The following THOP1 variants were observed in gnomAD, a reference collection of about 807,000 sequenced individuals.
The protein encoded by THOP1 is thimet oligopeptidase.
A neutral mutation model predicts 71.8 loss-of-function variants in THOP1; 49 were observed. The ratio of observed to expected loss-of-function variants is 0.68; its 90% CI spans 0.54 to 0.87. The LOEUF (loss-of-function observed/expected upper bound fraction) is 0.87. Ranked by LOEUF, THOP1 falls within the 40% of genes least tolerant of loss-of-function variation. The pLI, the probability that THOP1 is intolerant of heterozygous loss-of-function variation, is 0.00. For synonymous variants in THOP1, 426 were observed against 421.5 expected (o/e 1.01, Z -0.13); for missense variants, 843 against 975.6 (o/e 0.86, Z 1.81).
chr19:2,788,055 C>T (rs940875040), intron 1 of THOP1, among the ~76,000 whole-genome samples: 8 of 152,142 alleles, frequency 5.3e-5, no homozygotes, highest in Non-Finnish European at 1.2e-4. Flanking sequence ...TGTCCCCGGC[C>T]CCAAGACTTT....
Position 2,811,620 on chromosome 19 carries a change from C to A in THOP1, c.1794C>A (p.Phe598Leu). 6.2e-7 allele frequency: 1 copy of A among 1,613,170 alleles called. No homozygotes were observed. The highest frequency in any genetic ancestry group is 1.1e-5 in the South Asian group (1 of 91,082). The change falls in exon 12 of 13, where the codon TTC becomes TTA. Residue 598 changes from phenylalanine (F) to leucine (L), a missense_variant. Physicochemically the swap from Phe to Leu is conservative, Grantham distance 22. Coordinates refer to ENST00000307741, the MANE Select transcript of THOP1 (RefSeq NM_003249.5). ...ATPGTNMPAT[F>L]GHLAGGYDAQ... is the part of the protein sequence containing the mutation. ...CAGGAACCAACATGCCTGCAACCTTCGGCCATCTGGCAGGTGGCTACGACG... is the reference window on the plus strand; with the variant it reads ...CAGGAACCAACATGCCTGCAACCTTAGGCCATCTGGCAGGTGGCTACGACG...
At position 2,805,459 on chromosome 19, in the gene THOP1, G is replaced by A. The variant is rs1026171059; in HGVS notation, c.750+283G>A. ...GCTCTGAGCATCTGGCCGCGCACAC[G>A]TCTCGTCCCTCCCTTATCTGGAGCC... On this transcript the variant is annotated intron_variant, in intron 6 of 12. Coordinates refer to ENST00000307741, the MANE Select transcript of THOP1 (RefSeq NM_003249.5). The surrounding 1 kb of genome is among the most constrained non-coding windows in gnomAD (Gnocchi z 6.6). Among the ~76,000 whole-genome samples the A allele has an allele frequency of 1.3e-5, 2 of 152,182 alleles. No homozygotes were observed. Among genetic ancestry groups the A allele is most frequent in the South Asian group, 2.1e-4 (1 of 4,834 alleles).
intron 12 of THOP1, chr19:2,812,042 C>T: frequency 9.2e-7 from 1 of 1,086,542 alleles, no homozygotes; most frequent in Non-Finnish European, 1.3e-6. Context: ...TCCACACTGG[C>T]CCCTCAGGCC....
chr19:2,807,444 G>A lies in THOP1; in HGVS notation c.889G>A (p.Glu297Lys). The A allele has an allele frequency of 4.4e-6, 7 of 1,587,090 alleles. No homozygotes were observed. Among genetic ancestry groups the A allele is most frequent in the Non-Finnish European group, 6.0e-6 (7 of 1,163,336 alleles). Residue 297 changes from glutamate to lysine, a missense_variant and splice_region_variant, in exon 8 of 13, where the codon GAG becomes AAG. Coordinates refer to ENST00000307741, the MANE Select transcript of THOP1 (RefSeq NM_003249.5). ...CCACCTTTCTGCCCTCCCCGCAGAT[G>A]AGCTGGCGCAGAAGCTGAAGCCCCT... ...TSQTVATFLD[E>K]LAQKLKPLGE...
chr19:2,796,217 C>G (rs763281399), intron 4 of THOP1, 29 bp downstream of exon 4: 1 of 1,553,196 alleles, frequency 6.4e-7, no homozygotes, highest in Admixed American at 1.7e-5. Context: ...GAGTGCTGGG[C>G]GTGGGCAATG....
At position 2,800,086 on chromosome 19, in the gene THOP1, G is replaced by A. The variant is rs374078160; in HGVS notation, c.589+295G>A. Among the ~76,000 whole-genome samples the A allele has an allele frequency of 4.9e-4, 75 of 152,358 alleles. 3 individuals are homozygous for A. In the East Asian group the frequency reaches 0.013, roughly 27 times the overall value. Reference sequence around the variant, plus strand: ...GCAGTGGCGGAAGCCCAGGCCGGACGGGGTGGCCAAGGGTGCCAGTCTCAG... The same window carrying A: ...GCAGTGGCGGAAGCCCAGGCCGGACAGGGTGGCCAAGGGTGCCAGTCTCAG... On this transcript the variant is annotated intron_variant, in intron 5 of 12. Coordinates refer to ENST00000307741, the MANE Select transcript of THOP1 (RefSeq NM_003249.5).
chr19:2,785,827 C>T, intron 1 of THOP1, 149 bp downstream of exon 1: 1 of 660,820 alleles, frequency 1.5e-6, no homozygotes, highest in Non-Finnish European at 2.2e-6. Context: ...GACGACCCTG[C>T]TCTCTCGTTT....
At position 2,799,514 on chromosome 19, in the gene THOP1, G is replaced by A. The variant is rs1599524772; in HGVS notation, c.487-175G>A. Among the ~76,000 whole-genome samples, 5 of 152,276 alleles carry A rather than the reference G, an allele frequency of 3.3e-5. No homozygotes were observed. In the Middle Eastern group the frequency reaches 0.01, roughly 311 times the overall value. On this transcript the variant is annotated intron_variant, in intron 4 of 12. Coordinates refer to ENST00000307741, the MANE Select transcript of THOP1 (RefSeq NM_003249.5). ...CACACTGCGCAGCCTCGTGGCCTCC[G>A]TGTCTGTCTGTCCTCCGCCTCCCGT...
chr19:2,808,135 G>A (rs1916357357), intron 8 of THOP1, 108 bp from the exon 9 acceptor site: 8 of 1,274,170 alleles, frequency 6.3e-6, no homozygotes, highest in Non-Finnish European at 8.7e-6. Flanking sequence ...GAACCTCAGA[G>A]GTGCCCGGCG....
In THOP1 at chr19:2,805,123, G is replaced by A. The variant is rs144166691; in HGVS notation, c.697G>A (p.Val233Met). 30 of 1,612,660 alleles carry A rather than the reference G, an allele frequency of 1.9e-5. No individual in the cohort carries two copies. Among genetic ancestry groups the A allele is most frequent in the Middle Eastern group, 1.6e-4 (1 of 6,080 alleles). The change falls in exon 6 of 13, where the codon GTG becomes ATG. Residue 233 changes from valine (V) to methionine (M), a missense_variant. Val to Met is a conservative substitution (Grantham distance 21). Coordinates refer to ENST00000307741, the MANE Select transcript of THOP1 (RefSeq NM_003249.5). This position sits in a 1 kb window ranked among gnomAD's most constrained non-coding sequence, Gnocchi z 6.6. The stretch of plus-strand genomic sequence containing the variant: ...CTTCCCCCTCCTGAAGAAATGCCAC[G>A]TGCCTGAGACCAGGAGGAAAGTGGA... ...HYFPLLKKCH[V>M]PETRRKVEEA...
rs1421460798 is a variant in THOP1 at position 2,805,855 on chromosome 19, G to A, written c.750+679G>A. ...CGGGTGCCCATCACTGCGGGGGGAC[G>A]GGCGGGTGCCCATCACTGCGGGGGG... On this transcript the variant is annotated intron_variant, in intron 6 of 12. Coordinates refer to ENST00000307741, the MANE Select transcript of THOP1 (RefSeq NM_003249.5). The surrounding 1 kb of genome is among the most constrained non-coding windows in gnomAD (Gnocchi z 6.6). Among the ~76,000 whole-genome samples the A allele has an allele frequency of 1.4e-5, 2 of 147,736 alleles. No homozygotes were observed. The highest frequency in any genetic ancestry group is 2.2e-4 in the South Asian group (1 of 4,486).
intron 3 of THOP1, 40 bp downstream of exon 3, chr19:2,794,952 T>C: frequency 6.3e-7 from 1 of 1,585,760 alleles, no homozygotes; most frequent in Admixed American, 1.7e-5. Flanking sequence ...GCCTCCCAAG[T>C]AACTAGGATT....
intron 4 of THOP1, among the ~76,000 whole-genome samples, chr19:2,798,447 G>A (rs558601293): frequency 2.0e-5 from 3 of 152,348 alleles, no homozygotes; most frequent in South Asian, 2.1e-4. Context: ...AGGCAGCCCC[G>A]CCTGGAGGAC....
At chr19:2,791,013 G>A (rs980713932) in intron 2 of THOP1, among the ~76,000 whole-genome samples, 3 of 152,234 alleles carry the variant, frequency 2.0e-5, no homozygotes, top group African/African-American at 7.2e-5. Flanking sequence ...CTTGAACCCT[G>A]ACCCCGTCTG....
intron 4 of THOP1, 46 bp downstream of exon 4, chr19:2,796,234 C>A: frequency 6.8e-7 from 1 of 1,478,228 alleles, no homozygotes; most frequent in Non-Finnish European, 9.3e-7. Context: ...AATGGTCGAT[C>A]CCGGGGAGTG....
intron 4 of THOP1, among the ~76,000 whole-genome samples, chr19:2,799,338 A>G (rs562775430): frequency 6.6e-6 from 1 of 152,292 alleles, no homozygotes; most frequent in African/African-American, 2.4e-5. Flanking sequence ...AGAATGTTGA[A>G]AAGCTTAGGC....
At chr19:2,802,427 CCACCTCCCAACACCAA>C (rs1916172469) in intron 5 of THOP1, among the ~76,000 whole-genome samples, 1 of 139,872 alleles carries the variant, frequency 7.1e-6, no homozygotes, top group Non-Finnish European at 1.6e-5. Flanking sequence ...CCCGACACCC[CCACCTCCCAACACCAA>C]CACCTCCCGA....
At chr19:2,802,766 A>C (rs574371840) in intron 5 of THOP1, among the ~76,000 whole-genome samples, 1 of 152,338 alleles carries the variant, frequency 6.6e-6, no homozygotes, top group Admixed American at 6.5e-5. Context: ...TCTGGGCATC[A>C]GTCATCCTGC....
intron 1 of THOP1, among the ~76,000 whole-genome samples, chr19:2,786,394 C>T (rs1004676475): frequency 5.9e-5 from 9 of 152,012 alleles, no homozygotes; most frequent in African/African-American, 2.2e-4. Flanking sequence ...TACAGGCCTG[C>T]ACCACCACAC....
Sources: allele counts gnomAD v4.1 joint callset (sites outside exome capture counted in the v4.1 genomes callset), GRCh38; gene constraint gnomAD v4.1.1; non-coding constraint Gnocchi (gnomAD v3.1); transcripts MANE v1.5; gene names NCBI Gene and HGNC (gene_info 2026-07-23, HGNC 2026-07-21).